Variants in SEMA6D observed in about 807,000 individuals in gnomAD.
SEMA6D encodes semaphorin-6D.
A neutral mutation model predicts 106.6 loss-of-function variants in SEMA6D; 35 were observed. The ratio of observed to expected loss-of-function variants is 0.33; its 90% CI spans 0.25 to 0.44. The LOEUF is 0.44. Among genes scored for constraint, SEMA6D ranks in the 20% least tolerant of loss-of-function variants. The pLI is 1.00. For missense variants in SEMA6D, 1,185 were observed against 1,345.9 expected, an observed-to-expected ratio of 0.88 and a Z score of 1.87; for synonymous variants, 499 against 487.7, an observed-to-expected ratio of 1.02 and a Z score of -0.31.
At position 47,601,337 on chromosome 15, in the gene SEMA6D, G is replaced by T. The variant is rs2143457759; in HGVS notation, c.-55+441G>T. Among the ~76,000 whole-genome samples, 3 of 152,268 alleles carry T rather than the reference G, an allele frequency of 2.0e-5. No individual in the cohort carries two copies. The South Asian group carries it at 6.2e-4, about 32-fold the overall frequency. On this transcript the variant is annotated intron_variant, in intron 4 of 19. Coordinates refer to the SEMA6D transcript ENST00000558014. Reference sequence around the variant, plus strand: ...CTTTCAGCTTTGGTAAGGTCTTCCTGTCCAACTCTAGCAGGAGAGTATTAG... The same window carrying T: ...CTTTCAGCTTTGGTAAGGTCTTCCTTTCCAACTCTAGCAGGAGAGTATTAG...
chr15:47,717,811 G>A (rs1455336141), intron 1 of SEMA6D, 119 bp downstream of exon 1: 1 of 138,708 alleles, frequency 7.2e-6, no homozygotes, highest in Non-Finnish European at 1.5e-5. Flanking sequence ...GGTGGGGGTC[G>A]GAACCTGAGA....
intron 1 of SEMA6D, among the ~76,000 whole-genome samples, chr15:47,334,969 G>T (rs55650680): frequency 0.15 from 22,671 of 152,080 alleles, 2,200 homozygotes; most frequent in African/African-American, 0.26. Flanking sequence ...AGACTTCCGA[G>T]TCAGGCCTTG....
At chr15:47,346,086 C>A (rs2038034734) in intron 1 of SEMA6D, among the ~76,000 whole-genome samples, 2 of 152,152 alleles carry the variant, frequency 1.3e-5, no homozygotes, top group South Asian at 4.1e-4. Flanking sequence ...AACCCTGTTG[C>A]TACCTATGTC....
chr15:47,701,215 C>T (rs146855720), intron 4 of SEMA6D, among the ~76,000 whole-genome samples: 6 of 152,062 alleles, frequency 3.9e-5, no homozygotes, highest in Admixed American at 3.9e-4. Flanking sequence ...GACTGTTGTC[C>T]AAAATATATA....
chr15:47,635,878 T>G (rs1361255873), intron 4 of SEMA6D, among the ~76,000 whole-genome samples: 4 of 150,676 alleles, frequency 2.7e-5, no homozygotes, highest in African/African-American at 9.8e-5. Flanking sequence ...AAGGTGAGAG[T>G]CAGAAATTCT....
chr15:47,522,946 A>C (rs967553579), intron 3 of SEMA6D, among the ~76,000 whole-genome samples: 3 of 152,246 alleles, frequency 2.0e-5, no homozygotes, highest in Non-Finnish European at 2.9e-5. Flanking sequence ...TTAGGCTTCC[A>C]TGGAAGCAGA....
intron 1 of SEMA6D, among the ~76,000 whole-genome samples, chr15:47,363,371 G>C (rs1001286304): frequency 1.3e-5 from 2 of 152,154 alleles, no homozygotes; most frequent in Non-Finnish European, 2.9e-5. Flanking sequence ...GTGTGGCGGG[G>C]TCTATGAATT....
At chr15:47,212,204 G>A (rs534907833) in intron 1 of SEMA6D, among the ~76,000 whole-genome samples, 42 of 152,332 alleles carry the variant, frequency 2.8e-4, no homozygotes, top group Admixed American at 2.5e-3. Flanking sequence ...TAGGACATAT[G>A]CAAGGATAAT....
chr15:47,515,576 C>A (rs1272493213), intron 3 of SEMA6D, among the ~76,000 whole-genome samples: 1 of 152,116 alleles, frequency 6.6e-6, no homozygotes, highest in Non-Finnish European at 1.5e-5. Flanking sequence ...CCTTCTGAAA[C>A]AGTAGGATTT....
At chr15:47,433,491 T>C (rs1365108096) in intron 2 of SEMA6D, among the ~76,000 whole-genome samples, 1 of 152,112 alleles carries the variant, frequency 6.6e-6, no homozygotes, top group Non-Finnish European at 1.5e-5. Flanking sequence ...ATGATTTTGC[T>C]TCAAAAGAAT....
chr15:47,387,492 C>A (rs1329860332), intron 1 of SEMA6D, among the ~76,000 whole-genome samples: 3 of 152,264 alleles, frequency 2.0e-5, no homozygotes, highest in Non-Finnish European at 4.4e-5. Flanking sequence ...AACAATAATA[C>A]CAACTTCATG....
intron 1 of SEMA6D, among the ~76,000 whole-genome samples, chr15:47,398,765 T>C (rs2040302601): frequency 6.6e-6 from 1 of 152,152 alleles, no homozygotes; most frequent in Non-Finnish European, 1.5e-5. Flanking sequence ...TCTGAGTAGC[T>C]GTCATCACCC....
At chr15:47,770,333 T>C (rs1477044142) in intron 18 of SEMA6D, among the ~76,000 whole-genome samples, 164 bp from the exon 19 acceptor site, 1 of 152,188 alleles carries the variant, frequency 6.6e-6, no homozygotes, top group East Asian at 1.9e-4. Context: ...GGGATCCTAG[T>C]TTGATTAAAG....
intron 1 of SEMA6D, among the ~76,000 whole-genome samples, chr15:47,189,192 T>C (rs1443187297): frequency 3.9e-5 from 6 of 152,146 alleles, no homozygotes; most frequent in Admixed American, 3.9e-4. Context: ...CTTTCTTGAT[T>C]CCTCTGTCTC....
chr15:47,454,861 A>G (rs2042300593), intron 2 of SEMA6D, among the ~76,000 whole-genome samples: 2 of 151,884 alleles, frequency 1.3e-5, no homozygotes, highest in Non-Finnish European at 2.9e-5. Context: ...TTTGAGCCCA[A>G]GCTCTGCAGT....
intron 1 of SEMA6D, among the ~76,000 whole-genome samples, chr15:47,225,496 C>T (rs928238611): frequency 3.3e-5 from 4 of 122,168 alleles, no homozygotes; most frequent in Admixed American, 7.9e-5. Context: ...GTTTTTTAAT[C>T]GGGTGTTTTT....
intron 1 of SEMA6D, among the ~76,000 whole-genome samples, chr15:47,192,637 A>G (rs1311229882): frequency 6.6e-6 from 1 of 152,222 alleles, no homozygotes; most frequent in Non-Finnish European, 1.5e-5. Flanking sequence ...TGTAAAAAGA[A>G]AAATAAAACA....
intron 3 of SEMA6D, among the ~76,000 whole-genome samples, chr15:47,533,123 G>A (rs1435737): frequency 0.11 from 16,508 of 152,132 alleles, 1,379 homozygotes; most frequent in African/African-American, 0.24. Flanking sequence ...AAATAGAGAA[G>A]TCTTTGGTGC....
At chr15:47,185,368 G>A (rs766244130) in intron 1 of SEMA6D, among the ~76,000 whole-genome samples, 7 of 152,152 alleles carry the variant, frequency 4.6e-5, no homozygotes, top group African/African-American at 9.7e-5. Flanking sequence ...AACAGGGCAC[G>A]GTATTTCCCC....
Sources: allele counts gnomAD v4.1 joint callset (sites outside exome capture counted in the v4.1 genomes callset), GRCh38; gene constraint gnomAD v4.1.1; transcripts MANE v1.5; gene names NCBI Gene and HGNC (gene_info 2026-07-23, HGNC 2026-07-21).